The following NELL1 variants were observed in gnomAD, a reference collection of about 807,000 sequenced individuals.
The protein encoded by NELL1 is protein kinase C-binding protein NELL1.
NELL1 carries 76 observed loss-of-function variants against 107.4 expected under a neutral mutation model. The ratio of observed to expected loss-of-function variants is 0.71; its 90% CI spans 0.59 to 0.86. NELL1 has a LOEUF of 0.86. Among genes scored for constraint, NELL1 ranks in the 40% least tolerant of loss-of-function variants. NELL1 has a pLI of 0.00. For synonymous variants in NELL1, 353 were observed against 341.2 expected (o/e 1.03, Z -0.38); for missense variants, 1,024 against 1,005.5 (o/e 1.02, Z -0.25).
intron 13 of NELL1, among the ~76,000 whole-genome samples, chr11:21,116,765 C>T (rs1412632307): frequency 1.3e-5 from 2 of 151,952 alleles, no homozygotes; most frequent in Non-Finnish European, 2.9e-5. Flanking sequence ...CTGTCTATAT[C>T]ACCTATTACC....
intron 3 of NELL1, among the ~76,000 whole-genome samples, chr11:20,784,554 G>T (rs948545855): frequency 6.6e-6 from 1 of 152,124 alleles, no homozygotes; most frequent in Non-Finnish European, 1.5e-5. Context: ...GATGGGGCTG[G>T]TATTATAGAG....
chr11:21,240,897 A>G (rs1428459002), intron 14 of NELL1, among the ~76,000 whole-genome samples: 1 of 151,954 alleles, frequency 6.6e-6, no homozygotes, highest in African/African-American at 2.4e-5. Flanking sequence ...TAAGGGAAAC[A>G]TGTTAAATCA....
intron 5 of NELL1, among the ~76,000 whole-genome samples, chr11:20,892,122 ACTC>A (rs1394058442): frequency 1.3e-5 from 2 of 152,046 alleles, no homozygotes; most frequent in African/African-American, 4.8e-5. Flanking sequence ...GACATAAAAC[ACTC>A]CTCAGCAAAT....
chr11:20,965,065 G>T (rs1454825685), intron 12 of NELL1, among the ~76,000 whole-genome samples: 4 of 152,180 alleles, frequency 2.6e-5, no homozygotes, highest in Non-Finnish European at 5.9e-5. Flanking sequence ...TGTGGGTTCA[G>T]AAGGATACCA....
chr11:21,087,287 G>A (rs759010661), intron 12 of NELL1, among the ~76,000 whole-genome samples: 2 of 152,042 alleles, frequency 1.3e-5, no homozygotes, highest in Non-Finnish European at 2.9e-5. Context: ...ATAGGAAGAG[G>A]AAATTTTATG....
chr11:21,388,492 C>G (rs887103989), intron 15 of NELL1, among the ~76,000 whole-genome samples: 1 of 151,774 alleles, frequency 6.6e-6, no homozygotes, highest in African/African-American at 2.4e-5. Flanking sequence ...TTCTATAGTT[C>G]TTTATAGTCA....
intron 3 of NELL1, among the ~76,000 whole-genome samples, chr11:20,798,986 A>C (rs1460710700): frequency 2.5e-5 from 1 of 40,432 alleles, no homozygotes; most frequent in African/African-American, 4.1e-5. Context: ...TACGGACAAA[A>C]TTAAACCTAA....
At chr11:21,368,355 GTTT>G (rs139485232) in intron 14 of NELL1, among the ~76,000 whole-genome samples, 1 of 118,846 alleles carries the variant, frequency 8.4e-6, no homozygotes, top group Non-Finnish European at 1.7e-5. Flanking sequence ...TTAGGCATTG[GTTT>G]TTTTTTTTTT....
chr11:20,735,168 G>A (rs1855732423), intron 2 of NELL1, among the ~76,000 whole-genome samples: 1 of 152,166 alleles, frequency 6.6e-6, no homozygotes, highest in Non-Finnish European at 1.5e-5. Context: ...AGTTTAAGGT[G>A]GTGAGCAGTC....
rs560409201 is a variant in NELL1, at chr11:20,858,458, T to C, written c.506+10705T>C. Among the ~76,000 whole-genome samples, 5 of 152,340 alleles carry C rather than the reference T, an allele frequency of 3.3e-5. No individual in the cohort carries two copies. In the East Asian group the frequency reaches 5.8e-4, roughly 18 times the overall value. On this transcript the variant is annotated intron_variant, in intron 4 of 19. Transcript: ENST00000357134. ...TAATACCTATGGTAATCTGCACCGA[T>C]AGCTGAGCAATTTATCAAGGTTTAA... is the stretch of plus-strand genomic sequence containing the variant.
At chr11:21,393,077 A>G (rs576643198) in intron 15 of NELL1, among the ~76,000 whole-genome samples, 2 of 151,796 alleles carry the variant, frequency 1.3e-5, no homozygotes, top group South Asian at 2.1e-4. Flanking sequence ...TGAGCTTTCA[A>G]TGGTTTAAAA....
chr11:21,060,459 G>A (rs913932146), intron 12 of NELL1, among the ~76,000 whole-genome samples: 1 of 152,096 alleles, frequency 6.6e-6, no homozygotes, highest in East Asian at 1.9e-4. Flanking sequence ...TATTATGGGG[G>A]ATTGTCTTTG....
intron 15 of NELL1, among the ~76,000 whole-genome samples, chr11:21,412,660 C>T (rs1852407905): frequency 1.3e-5 from 2 of 152,092 alleles, no homozygotes; most frequent in Non-Finnish European, 2.9e-5. Context: ...AGAAAATTTA[C>T]ATCAGTCTCA....
chr11:21,323,733 A>G (rs1322659398), intron 14 of NELL1, among the ~76,000 whole-genome samples: 1 of 152,058 alleles, frequency 6.6e-6, no homozygotes, highest in Non-Finnish European at 1.5e-5. Context: ...AACACTTTTT[A>G]CCATCTGAAT....
intron 16 of NELL1, among the ~76,000 whole-genome samples, chr11:21,536,913 G>T (rs1428374037): frequency 6.6e-6 from 1 of 152,124 alleles, no homozygotes; most frequent in African/African-American, 2.4e-5. Flanking sequence ...CTAACATGCT[G>T]AGTGGCATGT....
At chr11:20,710,514 G>A (rs947745507) in intron 2 of NELL1, among the ~76,000 whole-genome samples, 3 of 152,106 alleles carry the variant, frequency 2.0e-5, no homozygotes, top group African/African-American at 7.2e-5. Context: ...TTTCTTTTTT[G>A]TTATGTCCTT....
At chr11:20,752,289 C>G (rs1856158346) in intron 2 of NELL1, among the ~76,000 whole-genome samples, 1 of 152,124 alleles carries the variant, frequency 6.6e-6, no homozygotes, top group Non-Finnish European at 1.5e-5. Flanking sequence ...GTGGCTCACA[C>G]CTATAATCCC....
intron 15 of NELL1, among the ~76,000 whole-genome samples, chr11:21,374,501 C>T (rs1002638291): frequency 1.7e-4 from 26 of 152,034 alleles, no homozygotes; most frequent in African/African-American, 5.6e-4. Context: ...AGCTGTAATG[C>T]TTTTTGTGAC....
intron 13 of NELL1, among the ~76,000 whole-genome samples, chr11:21,202,553 T>C (rs939934363): frequency 2.0e-5 from 3 of 152,154 alleles, no homozygotes; most frequent in Non-Finnish European, 4.4e-5. Context: ...TATATCTATT[T>C]TGTTGATCTT....
Sources: gnomAD v4.1 joint callset for allele counts (sites outside exome capture counted in the v4.1 genomes callset) on GRCh38, gnomAD v4.1.1 for gene constraint, MANE v1.5 for transcripts, NCBI Gene and HGNC (gene_info 2026-07-23, HGNC 2026-07-21) for gene names.